PIBF1: variants seen among roughly 807,000 people sequenced by gnomAD.
PIBF1 encodes the protein progesterone immunomodulatory binding factor 1, also known as progesterone-induced-blocking factor 1.
A neutral mutation model predicts 112.5 loss-of-function variants in PIBF1; 90 were observed. The observed-to-expected ratio is 0.80, with a 90% CI of 0.67 to 0.95. The LOEUF (loss-of-function observed/expected upper bound fraction) is 0.95, where lower values mean the gene tolerates loss of function less well. Among genes scored for constraint, PIBF1 ranks in the 40% least tolerant of loss-of-function variants. The pLI is 0.00. For synonymous variants in PIBF1, 301 were observed against 288.6 expected, an observed-to-expected ratio of 1.04 and a Z score of -0.44; for missense variants, 915 against 852.3, an observed-to-expected ratio of 1.07 and a Z score of -0.92.
At chr13:72,961,863 G>T (rs2042616414) in intron 14 of PIBF1, among the ~76,000 whole-genome samples, 1 of 151,918 alleles carries the variant, frequency 6.6e-6, no homozygotes, top group Non-Finnish European at 1.5e-5. Flanking sequence ...TAAAACTATG[G>T]TTGTGTATAT....
At chr13:72,958,672 C>T (rs563774289) in intron 14 of PIBF1, among the ~76,000 whole-genome samples, 1 of 152,290 alleles carries the variant, frequency 6.6e-6, no homozygotes, top group East Asian at 1.9e-4. Flanking sequence ...GAGGTCATAC[C>T]TGAGACACAG....
chr13:72,931,718 G>GTGTATATA (rs1555317840), intron 14 of PIBF1, among the ~76,000 whole-genome samples: 4 of 101,978 alleles, frequency 3.9e-5, no homozygotes, highest in Non-Finnish European at 7.9e-5. Flanking sequence ...TTTAAACTAC[G>GTGTATATA]TATATATATA....
chr13:72,786,768 G>A (rs117765872), intron 2 of PIBF1, among the ~76,000 whole-genome samples: 53 of 152,272 alleles, frequency 3.5e-4, no homozygotes, highest in South Asian at 1.2e-3. Flanking sequence ...TATATTAGTA[G>A]AGTTTTTTTC....
chr13:72,830,504 A>G (rs9543135), intron 8 of PIBF1, among the ~76,000 whole-genome samples: 21,463 of 152,032 alleles, frequency 0.14, 1,680 homozygotes, highest in Non-Finnish European at 0.17. Context: ...GAATTTTGTC[A>G]AAGGCCTTTT....
At chr13:72,940,544 A>G (rs1460051403) in intron 14 of PIBF1, among the ~76,000 whole-genome samples, 1 of 152,136 alleles carries the variant, frequency 6.6e-6, no homozygotes, top group African/African-American at 2.4e-5. Context: ...GCTTCTTTGC[A>G]TATGTAGTAA....
chr13:72,803,504 G>A (rs1267566720), intron 5 of PIBF1, among the ~76,000 whole-genome samples: 1 of 152,070 alleles, frequency 6.6e-6, no homozygotes, highest in Non-Finnish European at 1.5e-5. Context: ...GTGTTTCTGT[G>A]ATTATGATAT....
intron 10 of PIBF1, among the ~76,000 whole-genome samples, chr13:72,858,958 T>C (rs942411370): frequency 6.6e-6 from 1 of 152,198 alleles, no homozygotes; most frequent in African/African-American, 2.4e-5. Flanking sequence ...TGATAAATTA[T>C]ACTCTAATAA....
rs146774364 is a variant in PIBF1 at position 72,947,991 on chromosome 13, C to CA, written c.1833+16725dup. 8.0e-3 allele frequency among the ~76,000 whole-genome samples: 1,217 copies of CA among 152,184 alleles called. 14 individuals carry two copies. The highest frequency in any genetic ancestry group is 0.028 in the African/African-American group (1,145 of 41,516). On this transcript the variant is annotated intron_variant, in intron 14 of 17. Transcript: ENST00000326291. ...ACTAACACAGGAACAGAAAACCAAACACCACGTGTTCTCACTCATAAGTGG... is the reference window on the plus strand; with the variant it reads ...ACTAACACAGGAACAGAAAACCAAACAACCACGTGTTCTCACTCATAAGTGG...
At chr13:72,973,541 ATATT>A (rs1156521658) in intron 15 of PIBF1, 46 bp from the exon 16 acceptor site, 6 of 869,834 alleles carry the variant, frequency 6.9e-6, no homozygotes, top group Non-Finnish European at 1.8e-6. Flanking sequence ...TTTATTAACT[ATATT>A]TATACTAACA....
intron 16 of PIBF1, among the ~76,000 whole-genome samples, chr13:72,975,113 T>C (rs1260098427): frequency 6.6e-6 from 1 of 150,980 alleles, no homozygotes. Flanking sequence ...TGGAGTGCAG[T>C]GGCATGATCT....
At chr13:72,939,685 A>G (rs1435215530) in intron 14 of PIBF1, among the ~76,000 whole-genome samples, 1 of 152,126 alleles carries the variant, frequency 6.6e-6, no homozygotes, top group African/African-American at 2.4e-5. Flanking sequence ...AAGCGCTGCT[A>G]TGAACACGCA....
At position 72,821,881 on chromosome 13, in the gene PIBF1, A is replaced by G. The variant is rs771685460; in HGVS notation, c.705A>G (p.Glu235=). The change falls in exon 6 of 18, where the codon GAA becomes GAG. Residue 235 remains glutamate, a synonymous_variant. Coordinates refer to ENST00000326291, the MANE Select transcript of PIBF1 (RefSeq NM_006346.4). The part of the protein sequence containing the change: ...TYEEDRKNYS[E]VQIRCQRLAL... ...AGGAAGATCGAAAAAACTACTCTGAAGTTCAAATTAGATGTCAACGTTTGG... is the reference window on the plus strand; with the variant it reads ...AGGAAGATCGAAAAAACTACTCTGAGGTTCAAATTAGATGTCAACGTTTGG... 6.2e-6 allele frequency: 10 copies of G among 1,612,496 alleles called. No homozygotes were observed. Among genetic ancestry groups the G allele is most frequent in the East Asian group, 4.5e-5 (2 of 44,766 alleles).
rs184852354 is a variant in PIBF1 at position 72,881,913 on chromosome 13, A to G, written c.1323-11871A>G. ...CAATCCCTCTTAGTATACCAATGAC[A>G]TTCTTCACAAGAGTAGAAAAAAAAA... On this transcript the variant is annotated intron_variant, in intron 10 of 17. Transcript: ENST00000326291. Among the ~76,000 whole-genome samples the G allele has an allele frequency of 1.1e-3, 174 of 152,204 alleles. 2 individuals carry two copies. The highest frequency in any genetic ancestry group is 0.011 in the Admixed American group (172 of 15,280).
At chr13:72,823,219 G>T (rs746576539) in intron 6 of PIBF1, among the ~76,000 whole-genome samples, 1 of 152,144 alleles carries the variant, frequency 6.6e-6, no homozygotes, top group Non-Finnish European at 1.5e-5. Flanking sequence ...AATATAAAAA[G>T]AGAAAACTAA....
intron 15 of PIBF1, among the ~76,000 whole-genome samples, chr13:72,969,094 C>G (rs1202667597): frequency 6.6e-6 from 1 of 151,922 alleles, no homozygotes; most frequent in Non-Finnish European, 1.5e-5. Context: ...TAGGGTTGTT[C>G]TGAGGAATAA....
chr13:72,859,199 A>G (rs1467213615), intron 10 of PIBF1, among the ~76,000 whole-genome samples: 1 of 152,196 alleles, frequency 6.6e-6, no homozygotes, highest in Non-Finnish European at 1.5e-5. Flanking sequence ...GAAAGAAGCA[A>G]GTATCACCAA....
At chr13:72,802,874 G>C (rs1423104548) in intron 5 of PIBF1, among the ~76,000 whole-genome samples, 2 of 152,160 alleles carry the variant, frequency 1.3e-5, no homozygotes, top group African/African-American at 4.8e-5. Flanking sequence ...TGAAATGTGG[G>C]AGAGAGAAGG....
chr13:72,903,376 A>G (rs2040574551), intron 11 of PIBF1, among the ~76,000 whole-genome samples: 1 of 152,204 alleles, frequency 6.6e-6, no homozygotes, highest in African/African-American at 2.4e-5. Context: ...CTGAGTGTCT[A>G]TTAGGCAGTA....
At chr13:72,951,423 C>T (rs1023467818) in intron 14 of PIBF1, among the ~76,000 whole-genome samples, 10 of 152,002 alleles carry the variant, frequency 6.6e-5, no homozygotes, top group African/African-American at 2.4e-4. Flanking sequence ...ATGTTAAGTT[C>T]CAAATAAAGC....
Sources: allele counts gnomAD v4.1 joint callset (sites outside exome capture counted in the v4.1 genomes callset), GRCh38; gene constraint gnomAD v4.1.1; transcripts MANE v1.5; gene names NCBI Gene and HGNC (gene_info 2026-07-23, HGNC 2026-07-21).